The following NPC1 variants were observed in gnomAD, a reference collection of about 807,000 sequenced individuals.
NPC1 encodes NPC intracellular cholesterol transporter 1.
NPC1 carries 85 observed loss-of-function variants against 140.4 expected under a neutral mutation model. The ratio of observed to expected loss-of-function variants is 0.61; its 90% CI spans 0.51 to 0.72. The LOEUF is 0.72. NPC1 is among the 30% of genes least tolerant of loss of function. NPC1 has a pLI of 0.00. For missense variants in NPC1, 1,504 were observed against 1,623.8 expected (o/e 0.93, Z 1.27); for synonymous variants, 656 against 624.8 (o/e 1.05, Z -0.74).
chr18:23,586,154 ACC>A, intron 1 of NPC1, 131 bp downstream of exon 1: 5 of 911,690 alleles, frequency 5.5e-6, no homozygotes, highest in East Asian at 2.8e-5. Flanking sequence ...CAAGTGAGGA[ACC>A]TCCGAGCTCT....
downstream of NPC1, chr18:23,520,175 C>T (rs951829510): frequency 9.6e-6 from 15 of 1,565,986 alleles, no homozygotes; most frequent in Admixed American, 1.7e-5. Context: ...TTGATTTTGG[C>T]CTCAGTCTTG....
At chr18:23,579,376 C>T (rs983465632) in intron 1 of NPC1, among the ~76,000 whole-genome samples, 34 of 152,284 alleles carry the variant, frequency 2.2e-4, no homozygotes, top group African/African-American at 7.7e-4. Context: ...TCACAATGAG[C>T]TGAGGGAGTA....
intron 9 of NPC1, among the ~76,000 whole-genome samples, chr18:23,552,024 C>T (rs1350035306): frequency 6.6e-6 from 1 of 152,174 alleles, no homozygotes; most frequent in Non-Finnish European, 1.5e-5. Context: ...GAGGAAGAGA[C>T]TGTACAGACC....
chr18:23,526,227 A>G (rs1220567116), downstream of NPC1, among the ~76,000 whole-genome samples: 2 of 152,238 alleles, frequency 1.3e-5, no homozygotes, highest in Admixed American at 6.5e-5. Flanking sequence ...TTTTAAACTA[A>G]TGAGCTGTTG....
downstream of NPC1, among the ~76,000 whole-genome samples, chr18:23,520,571 T>C (rs2058117524): frequency 6.6e-6 from 1 of 152,204 alleles, no homozygotes; most frequent in African/African-American, 2.4e-5. Context: ...GTGATTATCC[T>C]GCCTCAGCCT....
chr18:23,558,688 T>G (rs1448104142), intron 6 of NPC1, among the ~76,000 whole-genome samples: 1 of 152,198 alleles, frequency 6.6e-6, no homozygotes, highest in East Asian at 1.9e-4. Context: ...AATAATGGCA[T>G]GGTCGTGGTT....
At chr18:23,581,681 T>TA (rs1417839376) in intron 1 of NPC1, among the ~76,000 whole-genome samples, 1 of 152,196 alleles carries the variant, frequency 6.6e-6, no homozygotes, top group Non-Finnish European at 1.5e-5. Context: ...TTTACTCATG[T>TA]AATTTACATA....
chr18:23,506,699 T>C, intron 3 of NPC1: 2 of 333,580 alleles, frequency 6.0e-6, no homozygotes, highest in South Asian at 5.5e-5. Context: ...TATAGTTATT[T>C]ATGTTGGAAC....
intron 1 of NPC1, among the ~76,000 whole-genome samples, chr18:23,575,769 CAAAAA>C (rs35922440): frequency 8.5e-4 from 30 of 35,106 alleles, no homozygotes; most frequent in Non-Finnish European, 1.5e-3. Flanking sequence ...CAGAGAAGAC[CAAAAA>C]AAAAAAAAAA....
chr18:23,586,365 T>G lies in NPC1; in HGVS notation c.-22A>C, dbSNP rs2303880. 0.035 allele frequency: 54,029 copies of G among 1,531,550 alleles called. 4,630 individuals are homozygous for G. Among genetic ancestry groups the G allele is most frequent in the East Asian group, 0.3 (12,153 of 40,476 alleles). The allele number at this position is 1,531,550 out of a possible 1,614,324, so 94.9% of individuals were successfully genotyped here. A position where few individuals can be genotyped will look rare whatever the true frequency, so the allele number is the denominator to read the frequency against. On this transcript the variant is annotated 5_prime_UTR_variant, in exon 1 of 25. Transcript: ENST00000269228. ...TCATGCTGTGGCCGCGCAAGGCTGC[T>G]GACGCCGGCGGCGTTCGGCTGGTTG...
intron 20 of NPC1, 113 bp downstream of exon 20, chr18:23,538,429 T>A: frequency 7.7e-7 from 1 of 1,293,568 alleles, no homozygotes. Flanking sequence ...CAGGACAGGG[T>A]GGGGCGGAGA....
At chr18:23,509,556 ATT>A (rs1299000729) in intron 3 of NPC1, 2 of 160,524 alleles carry the variant, frequency 1.2e-5, no homozygotes, top group African/African-American at 4.8e-5. Context: ...TTATTATTTT[ATT>A]TTATTTTATT....
At chr18:23,577,971 C>G (rs1017911249) in intron 1 of NPC1, among the ~76,000 whole-genome samples, 1 of 152,216 alleles carries the variant, frequency 6.6e-6, no homozygotes, top group Non-Finnish European at 1.5e-5. Context: ...CCAGCTGGCC[C>G]GCAAGTGCCG....
In NPC1 at chr18:23,532,073, AAGCTGCTGCCAAACAACCGATGGTTGG is replaced by A; in HGVS notation, c.*102_*128del. On this transcript the variant is annotated 3_prime_UTR_variant, in exon 25 of 25. Transcript: ENST00000269228. ...CCTGAGTTCACAGGCGCTACGTTCA[AAGCTGCTGCCAAACAACCGATGGTTGG>A]CACCATCCGGTGTTCAACTTGGCCT... is the stretch of plus-strand genomic sequence containing the variant. 1 of 1,609,086 alleles carries A rather than the reference AAGCTGCTGCCAAACAACCGATGGTTGG, an allele frequency of 6.2e-7. No individual in the cohort carries two copies. The highest frequency in any genetic ancestry group is 2.2e-5 in the East Asian group (1 of 44,768).
At chr18:23,553,704 C>T (rs142628589) in intron 9 of NPC1, among the ~76,000 whole-genome samples, 3 of 152,320 alleles carry the variant, frequency 2.0e-5, no homozygotes, top group East Asian at 1.9e-4. Context: ...TAGGCCCATC[C>T]GGCATCATGC....
intron 6 of NPC1, among the ~76,000 whole-genome samples, chr18:23,558,692 C>T (rs555978488): frequency 6.6e-6 from 1 of 151,532 alleles, no homozygotes; most frequent in Non-Finnish European, 1.5e-5. Flanking sequence ...ATGGCATGGT[C>T]GTGGTTTTGA....
chr18:23,529,829 T>A (rs1567936337), downstream of NPC1: 3 of 1,136,808 alleles, frequency 2.6e-6, no homozygotes, highest in Middle Eastern at 2.0e-4. Context: ...TGACTCAGAA[T>A]GCTGAGTGAC....
intron 13 of NPC1, 92 bp from the exon 14 acceptor site, chr18:23,543,661 T>G: frequency 1.3e-6 from 1 of 759,854 alleles, no homozygotes; most frequent in Non-Finnish European, 2.3e-6. Flanking sequence ...AGGGTAAAAA[T>G]AAATGATTAG....
chr18:23,533,098 G>T (rs1044038977), intron 24 of NPC1: 1 of 626,044 alleles, frequency 1.6e-6, no homozygotes, highest in East Asian at 4.2e-5. Context: ...TCAAGGACTG[G>T]CTCCAGGCCT....
Sources: allele counts gnomAD v4.1 joint callset (sites outside exome capture counted in the v4.1 genomes callset), GRCh38; gene constraint gnomAD v4.1.1; transcripts MANE v1.5; gene names NCBI Gene and HGNC (gene_info 2026-07-23, HGNC 2026-07-21).